FSCN3: variants seen among roughly 807,000 people sequenced by gnomAD.
FSCN3 encodes the protein fascin actin-bundling protein 3, also known as fascin-3.
FSCN3 carries 43 observed loss-of-function variants against 53.5 expected under a neutral mutation model. The ratio of observed to expected loss-of-function variants is 0.80; its 90% CI spans 0.63 to 1.04. FSCN3 has a LOEUF of 1.04. Ranked by LOEUF, FSCN3 falls within the 50% of genes least tolerant of loss-of-function variation. The pLI, the probability that FSCN3 is intolerant of heterozygous loss-of-function variation, is 0.00. For missense variants in FSCN3, 594 were observed against 646.5 expected, an observed-to-expected ratio of 0.92 and a Z score of 0.88; for synonymous variants, 235 against 246.6, an observed-to-expected ratio of 0.95 and a Z score of 0.44.
In FSCN3 at chr7:127,593,769, C is replaced by A. The variant is rs889910618; in HGVS notation, c.-85C>A. 4.1e-6 allele frequency: 6 copies of A among 1,458,308 alleles called. No individual in the cohort carries two copies. The Admixed American group carries it at 1.2e-4, about 30-fold the overall frequency. The allele number at this position is 1,458,308 out of a possible 1,614,324, so 90.3% of individuals were successfully genotyped here. A position where few individuals can be genotyped will look rare whatever the true frequency, so the allele number is the denominator to read the frequency against. ...GAACATCTGGTGGGTACTACAGGCC[C>A]TATTCCAGGCCCTATGGCCTGTGGA... is the stretch of plus-strand genomic sequence containing the variant. On this transcript the variant is annotated 5_prime_UTR_variant, in exon 1 of 7. Transcript: ENST00000265825.
Position 127,596,310 on chromosome 7 carries a change from C to A in FSCN3, c.842-18C>A. 6.4e-7 allele frequency: 1 copy of A among 1,573,536 alleles called. No homozygotes were observed. The highest frequency in any genetic ancestry group is 8.7e-7 in the Non-Finnish European group (1 of 1,143,518). ...GAGACTGAGGGGAGGCTTTTACTGA[C>A]ATGCGCTTCCTCTGCAGATGGTGAG... On this transcript the variant is annotated intron_variant, in intron 2 of 6. Coordinates refer to ENST00000265825, the MANE Select transcript of FSCN3 (RefSeq NM_020369.3).
rs147376646 is a variant in FSCN3 at position 127,593,872 on chromosome 7, A to C, written c.19A>C (p.Ile7Leu). 3.8e-6 allele frequency: 6 copies of C among 1,572,962 alleles called. No individual in the cohort carries two copies. The highest frequency in any genetic ancestry group is 5.2e-6 in the Non-Finnish European group (6 of 1,158,864). Residue 7 changes from isoleucine (I) to leucine (L), a missense_variant, in exon 1 of 7, where the codon ATA becomes CTA. By Grantham distance (5) the Ile-to-Leu change is conservative. Transcript: ENST00000265825. MDETEW[I>L]HRHPKAEDLR... ...CAGCCCCATGGATGAGACAGAGTGG[A>C]TACACAGACATCCCAAGGCTGAGGA...
Position 127,595,380 on chromosome 7 carries a change from A to G in FSCN3, c.218A>G (p.Tyr73Cys). 4.3e-6 allele frequency: 7 copies of G among 1,614,108 alleles called. No homozygotes were observed. Among genetic ancestry groups the G allele is most frequent in the Non-Finnish European group, 5.1e-6 (6 of 1,180,002 alleles). The change falls in exon 2 of 7, where the codon TAC becomes TGC. Residue 73 changes from tyrosine (Y) to cysteine (C), a missense_variant. Coordinates refer to ENST00000265825, the MANE Select transcript of FSCN3 (RefSeq NM_020369.3). ...VVRLKSVQGLYLLCECDGTVC... is the reference protein window; with the variant it reads ...VVRLKSVQGLCLLCECDGTVC... ...CGACTAAAGAGCGTGCAGGGCCTCT[A>G]CCTGCTGTGTGAGTGTGATGGCACC...
At chr7:127,599,119 T>G (rs543384098) in intron 4 of FSCN3, among the ~76,000 whole-genome samples, 1 of 152,212 alleles carries the variant, frequency 6.6e-6, no homozygotes, top group African/African-American at 2.4e-5. Flanking sequence ...CTCTGCAGCC[T>G]CACAGAGTTG....
At chr7:127,594,780 G>T (rs529221789) in intron 1 of FSCN3, 13 of 471,378 alleles carry the variant, frequency 2.8e-5, no homozygotes, top group South Asian at 2.0e-4. Flanking sequence ...TTATAACAAG[G>T]TTGATCACAG....
Position 127,597,032 on chromosome 7 carries a change from A to G in FSCN3, c.960+586A>G, listed in dbSNP as rs115480690. 9.5e-3 allele frequency among the ~76,000 whole-genome samples: 1,444 copies of G among 152,342 alleles called. 25 individuals carry two copies. The highest frequency in any genetic ancestry group is 0.033 in the African/African-American group (1,371 of 41,568). ...CAATGTTTTTAAGGTTCGTTCACATAATGTTCGTGTGTCAGTAGTTCATTC... is the reference window on the plus strand; with the variant it reads ...CAATGTTTTTAAGGTTCGTTCACATGATGTTCGTGTGTCAGTAGTTCATTC... On this transcript the variant is annotated intron_variant, in intron 3 of 6. Coordinates refer to ENST00000265825, the MANE Select transcript of FSCN3 (RefSeq NM_020369.3).
At chr7:127,599,582 TCA>T in intron 5 of FSCN3, 31 bp downstream of exon 5, 1 of 1,604,586 alleles carries the variant, frequency 6.2e-7, no homozygotes, top group Non-Finnish European at 8.5e-7. Context: ...GCCCAAGGGT[TCA>T]CAGTCTAGTC....
rs574465241 is a variant in FSCN3, at chr7:127,599,876, C to T, written c.1292-318C>T. On this transcript the variant is annotated intron_variant, in intron 5 of 6. Coordinates refer to ENST00000265825, the MANE Select transcript of FSCN3 (RefSeq NM_020369.3). ...AGGAGAATGGCGTGAACCCAGGAGG[C>T]GGAGCTTGCAGTGAGCCAAGATCAC... 3.1e-4 allele frequency among the ~76,000 whole-genome samples: 46 copies of T among 149,940 alleles called. 1 individual carries two copies. In the East Asian group the frequency reaches 7.1e-3, roughly 23 times the overall value.
In FSCN3 at chr7:127,595,841, CTG is replaced by C; in HGVS notation, c.684_685del (p.Cys228Ter). On this transcript the variant is annotated frameshift_variant, in exon 2 of 7. Transcript: ENST00000265825. LOFTEE classifies it high-confidence loss of function. ...MQVRPGGLVA[L>X]CDGEGGMLYP... ...AGTGCGGCCTGGAGGGCTTGTGGCA[CTG>C]TGTGATGGAGAAGGAGGCATGTTAT... 4.3e-6 allele frequency: 7 copies of C among 1,613,652 alleles called. No homozygotes were observed. The highest frequency in any genetic ancestry group is 5.9e-6 in the Non-Finnish European group (7 of 1,179,754).
intron 4 of FSCN3, among the ~76,000 whole-genome samples, chr7:127,599,077 G>A (rs986019582): frequency 4.6e-5 from 7 of 151,838 alleles, no homozygotes; most frequent in East Asian, 1.9e-4. Context: ...CAGTTTTGTC[G>A]TCTATAAAAA....
chr7:127,595,525 G>A lies in FSCN3; in HGVS notation c.363G>A (p.Lys121=). The A allele has an allele frequency of 1.2e-6, 2 of 1,614,108 alleles. No homozygotes were observed. Among genetic ancestry groups the A allele is most frequent in the South Asian group, 2.2e-5 (2 of 91,074 alleles). ...ISGRYLESNG[K]DVFCTSHVLS... is the part of the protein sequence containing the mutation. The stretch of plus-strand genomic sequence containing the variant: ...GTCGTTATTTGGAGTCCAATGGCAA[G>A]GACGTGTTTTGCACTTCCCACGTCC... The change falls in exon 2 of 7, where the codon AAG becomes AAA. Residue 121 remains lysine, a synonymous_variant. Transcript: ENST00000265825.
chr7:127,594,889 G>A (rs903630311), intron 1 of FSCN3: 2 of 475,178 alleles, frequency 4.2e-6, no homozygotes, highest in African/African-American at 4.0e-5. Flanking sequence ...TTGCCATGCT[G>A]GAAGGCAACC....
intron 2 of FSCN3, 73 bp from the exon 3 acceptor site, chr7:127,596,255 G>A: frequency 6.5e-7 from 1 of 1,539,292 alleles, no homozygotes; most frequent in African/African-American, 1.4e-5. Context: ...AGGGACAGAA[G>A]CCCCGGTCAT....
chr7:127,597,109 TTATC>T (rs1333236228), intron 3 of FSCN3, among the ~76,000 whole-genome samples: 5 of 152,260 alleles, frequency 3.3e-5, no homozygotes, highest in Non-Finnish European at 7.3e-5. Context: ...CATGATTTGT[TTATC>T]TATTCACTTG....
intron 3 of FSCN3, among the ~76,000 whole-genome samples, chr7:127,597,355 A>G (rs548600344): frequency 1.3e-5 from 2 of 152,346 alleles, no homozygotes; most frequent in East Asian, 3.9e-4. Flanking sequence ...GAGGGTTCTA[A>G]GAATTCCATA....
rs1678997635 is a variant in FSCN3, at chr7:127,593,901, A to G, written c.48A>G (p.Leu16=). 2 of 1,595,422 alleles carry G rather than the reference A, an allele frequency of 1.3e-6. No homozygotes were observed. The highest frequency in any genetic ancestry group is 1.7e-6 in the Non-Finnish European group (2 of 1,170,732). ...ACAGACATCCCAAGGCTGAGGACCTAAGGGTTGGGCTCATCAGCTGGGCAG... is the reference window on the plus strand; with the variant it reads ...ACAGACATCCCAAGGCTGAGGACCTGAGGGTTGGGCTCATCAGCTGGGCAG... The part of the protein sequence containing the change: ...WIHRHPKAED[L]RVGLISWAGT... Residue 16 remains leucine (L), a synonymous_variant, in exon 1 of 7, where the codon CTA becomes CTG. Coordinates refer to ENST00000265825, the MANE Select transcript of FSCN3 (RefSeq NM_020369.3).
chr7:127,598,021 C>T (rs949620169), intron 3 of FSCN3, among the ~76,000 whole-genome samples: 1 of 152,166 alleles, frequency 6.6e-6, no homozygotes, highest in Non-Finnish European at 1.5e-5. Flanking sequence ...TTCAGTTTAT[C>T]AATTTTTTTA....
intron 3 of FSCN3, among the ~76,000 whole-genome samples, chr7:127,597,756 G>T (rs1370181538): frequency 2.0e-5 from 3 of 152,156 alleles, no homozygotes; most frequent in Non-Finnish European, 4.4e-5. Context: ...GGGATTACAG[G>T]CATGAGCCAC....
At position 127,595,840 on chromosome 7, in the gene FSCN3, A is replaced by C. The variant is rs1794379935; in HGVS notation, c.678A>C (p.Ala226=). The C allele has an allele frequency of 6.2e-7, 1 of 1,613,562 alleles. No homozygotes were observed. Among genetic ancestry groups the C allele is most frequent in the African/African-American group, 1.3e-5 (1 of 74,900 alleles). Residue 226 remains alanine (A), a synonymous_variant, in exon 2 of 7, where the codon GCA becomes GCC. Coordinates refer to ENST00000265825, the MANE Select transcript of FSCN3 (RefSeq NM_020369.3). ...HMQVRPGGLV[A]LCDGEGGMLY... The stretch of plus-strand genomic sequence containing the variant: ...AAGTGCGGCCTGGAGGGCTTGTGGC[A>C]CTGTGTGATGGAGAAGGAGGCATGT...
Sources: allele counts gnomAD v4.1 joint callset (sites outside exome capture counted in the v4.1 genomes callset), GRCh38; gene constraint gnomAD v4.1.1; transcripts MANE v1.5; gene names NCBI Gene and HGNC (gene_info 2026-07-23, HGNC 2026-07-21).